The following CFAP44 variants were observed in gnomAD, a reference collection of about 807,000 sequenced individuals.
CFAP44 encodes cilia and flagella associated protein 44.
CFAP44 carries 134 observed loss-of-function variants against 216.2 expected under a neutral mutation model. The observed-to-expected ratio is 0.62, with a 90% CI of 0.54 to 0.72. The LOEUF is 0.72. CFAP44 is among the 30% of genes least tolerant of loss of function. The pLI, the probability that CFAP44 is intolerant of heterozygous loss-of-function variation, is 0.00. For synonymous variants in CFAP44, 700 were observed against 727.6 expected (o/e 0.96, Z 0.61); for missense variants, 2,035 against 2,182.1 (o/e 0.93, Z 1.34).
chr3:113,371,559 C>T (rs1933164450), intron 18 of CFAP44, among the ~76,000 whole-genome samples: 1 of 152,174 alleles, frequency 6.6e-6, no homozygotes, highest in Non-Finnish European at 1.5e-5. Flanking sequence ...CCCTTCCTTA[C>T]ACCATATACA....
At chr3:113,328,222 T>G (rs574004975) in intron 26 of CFAP44, among the ~76,000 whole-genome samples, 6 of 151,120 alleles carry the variant, frequency 4.0e-5, no homozygotes, top group South Asian at 4.2e-4. Flanking sequence ...CTTCTTATGT[T>G]GAAAATTTTC....
At chr3:113,420,228 G>T in intron 4 of CFAP44, 49 bp from the exon 5 acceptor site, 2 of 1,518,150 alleles carry the variant, frequency 1.3e-6, no homozygotes, top group Non-Finnish European at 1.8e-6. Flanking sequence ...TACCATCCTA[G>T]GGATTGGAAA....
At position 113,326,494 on chromosome 3, in the gene CFAP44, T is replaced by A; in HGVS notation, c.4467A>T (p.Leu1489=). The change falls in exon 28 of 35, where the codon CTA becomes CTT. Residue 1489 remains leucine (L), a synonymous_variant. Coordinates refer to ENST00000393845, the MANE Select transcript of CFAP44 (RefSeq NM_001164496.2). ...TCTTTACCCGTTTAATCTTCTTCTT[T>A]AGGACCTTCATGAGGAAGTTTGCAA... is the stretch of plus-strand genomic sequence containing the variant. The part of the protein sequence containing the change: ...NKFANFLMKV[L]KKKIKRVKKK... 1 of 1,529,460 alleles carries A rather than the reference T, an allele frequency of 6.5e-7. No homozygotes were observed. The highest frequency in any genetic ancestry group is 8.7e-7 in the Non-Finnish European group (1 of 1,144,452). 94.7% of individuals were successfully genotyped at this position (1,529,460 alleles called of 1,614,324 possible). A position where few individuals can be genotyped will look rare whatever the true frequency, so the allele number is the denominator to read the frequency against.
rs1160740077 is a variant in CFAP44, at chr3:113,289,154, A to G, written c.*2403T>C. On this transcript the variant is annotated 3_prime_UTR_variant, in exon 35 of 35. Coordinates refer to ENST00000393845, the MANE Select transcript of CFAP44 (RefSeq NM_001164496.2). ...GACTCAGATGCTCTAACTTAACTAC[A>G]GATTTAAGACTAAGCCTGGAATCAA... 6.6e-6 allele frequency: 1 copy of G among 152,218 alleles called. No homozygotes were observed. The highest frequency in any genetic ancestry group is 1.5e-5 in the Non-Finnish European group (1 of 68,040). The allele number at this position is 152,218 out of a possible 1,614,324, so 9.4% of individuals were successfully genotyped here.
chr3:113,407,585 T>G (rs1183615257), intron 7 of CFAP44, among the ~76,000 whole-genome samples: 1 of 152,214 alleles, frequency 6.6e-6, no homozygotes, highest in Non-Finnish European at 1.5e-5. Flanking sequence ...GCCTTCATTT[T>G]CTCAGGTATA....
rs575611652 is a variant in CFAP44, at chr3:113,315,292, A to C, written c.4517-7024T>G. On this transcript the variant is annotated intron_variant, in intron 28 of 34. Coordinates refer to ENST00000393845, the MANE Select transcript of CFAP44 (RefSeq NM_001164496.2). ...AAGCAGGAGCAGCTATATTAATGTCAGACAAATAGACTTTAGAGCAAAGAA... is the reference window on the plus strand; with the variant it reads ...AAGCAGGAGCAGCTATATTAATGTCCGACAAATAGACTTTAGAGCAAAGAA... Among the ~76,000 whole-genome samples, 52 of 152,282 alleles carry C rather than the reference A, an allele frequency of 3.4e-4. 1 individual carries two copies. In the South Asian group the frequency reaches 0.011, roughly 31 times the overall value.
intron 21 of CFAP44, among the ~76,000 whole-genome samples, chr3:113,362,299 G>A (rs1351155578): frequency 6.6e-6 from 1 of 152,082 alleles, no homozygotes; most frequent in Non-Finnish European, 1.5e-5. Flanking sequence ...GGGGTGGCAA[G>A]GTGACAGTAC....
chr3:113,417,014 T>C (rs1329100416), intron 5 of CFAP44, among the ~76,000 whole-genome samples: 2 of 152,236 alleles, frequency 1.3e-5, no homozygotes, highest in Non-Finnish European at 2.9e-5. Context: ...AATTTGCATT[T>C]ACATGTCTAA....
chr3:113,362,268 G>A (rs1229145913), intron 21 of CFAP44, among the ~76,000 whole-genome samples: 1 of 151,998 alleles, frequency 6.6e-6, no homozygotes, highest in Non-Finnish European at 1.5e-5. Flanking sequence ...CCTTCCATGT[G>A]TCTGGGTGAA....
At chr3:113,423,592 A>G (rs79451828) in intron 4 of CFAP44, among the ~76,000 whole-genome samples, 4,647 of 152,216 alleles carry the variant, frequency 0.031, 116 homozygotes, top group East Asian at 0.1. Context: ...CAAAGACCTA[A>G]AGCTTTCAAT....
chr3:113,347,158 G>A (rs73235068), intron 22 of CFAP44, among the ~76,000 whole-genome samples: 33,907 of 152,040 alleles, frequency 0.22, 4,104 homozygotes, highest in East Asian at 0.41. Flanking sequence ...TAGCGTGGCC[G>A]CCGGACTAAA....
intron 28 of CFAP44, among the ~76,000 whole-genome samples, chr3:113,318,197 A>G (rs564668022): frequency 6.6e-6 from 1 of 152,354 alleles, no homozygotes; most frequent in African/African-American, 2.4e-5. Flanking sequence ...ATGAAATAAG[A>G]AAGAAGAAAA....
At chr3:113,424,094 G>C (rs1934894773) in intron 4 of CFAP44, among the ~76,000 whole-genome samples, 1 of 152,180 alleles carries the variant, frequency 6.6e-6, no homozygotes, top group African/African-American at 2.4e-5. Context: ...GGCAGCTTTA[G>C]GCTAAACTTG....
Position 113,326,571 on chromosome 3 carries a change from C to T in CFAP44, c.4390G>A (p.Glu1464Lys), listed in dbSNP as rs1950191326. Residue 1464 changes from glutamate (E) to lysine (K), a missense_variant, in exon 28 of 35, where the codon GAA becomes AAA. By Grantham distance (56) the Glu-to-Lys change is moderately conservative. Around this residue, in one of 3 missense-constraint regions of CFAP44, gnomAD observed 1,883 missense variants for 2,023.7 expected, o/e 0.93. Coordinates refer to ENST00000393845, the MANE Select transcript of CFAP44 (RefSeq NM_001164496.2). The part of the protein sequence containing the change: ...KNEITKLQEQ[E>K]KALYAGFQAA... ...TGAAAACCAGCATAGAGTGCCTTTT[C>T]TTGCTCCTGGAGTTTGGTGATTTCA... 6.5e-7 allele frequency: 1 copy of T among 1,533,738 alleles called. No individual in the cohort carries two copies. The highest frequency in any genetic ancestry group is 1.2e-5 in the South Asian group (1 of 82,878).
chr3:113,380,036 T>A (rs1232642705), intron 16 of CFAP44, among the ~76,000 whole-genome samples: 1 of 152,186 alleles, frequency 6.6e-6, no homozygotes, highest in Non-Finnish European at 1.5e-5. Context: ...TTTTTTTAAA[T>A]TTTATTTATT....
chr3:113,372,472 C>A (rs1318135052), intron 18 of CFAP44, among the ~76,000 whole-genome samples: 1 of 152,158 alleles, frequency 6.6e-6, no homozygotes, highest in Non-Finnish European at 1.5e-5. Context: ...AGCAAACTAT[C>A]ACAAGGACAG....
chr3:113,294,764 T>C lies in CFAP44; in HGVS notation c.5296A>G (p.Lys1766Glu). The C allele has an allele frequency of 6.5e-7, 1 of 1,536,464 alleles. No homozygotes were observed. The highest frequency in any genetic ancestry group is 8.7e-7 in the Non-Finnish European group (1 of 1,146,576). ...CACAAATCATTCATCTGATAAAGCTTTCTGGTGTGTTCTTTTGTCTTCATC... is the reference window on the plus strand; with the variant it reads ...CACAAATCATTCATCTGATAAAGCTCTCTGGTGTGTTCTTTTGTCTTCATC... ...LMMKTKEHTR[K>E]LYQMNDLCIE... The change falls in exon 34 of 35, where the codon AAG (lysine) becomes GAG (glutamate). Residue 1766 changes from lysine to glutamate, a missense_variant. Physicochemically the swap from Lys to Glu is moderately conservative, Grantham distance 56 (BLOSUM62 1). Around this residue, in one of 3 missense-constraint regions of CFAP44, gnomAD observed 1,883 missense variants for 2,023.7 expected, o/e 0.93. Coordinates refer to ENST00000393845, the MANE Select transcript of CFAP44 (RefSeq NM_001164496.2).
intron 1 of CFAP44, among the ~76,000 whole-genome samples, chr3:113,435,863 G>A (rs891206791): frequency 8.2e-6 from 1 of 122,286 alleles, no homozygotes; most frequent in Admixed American, 7.3e-5. Context: ...ATGTACGTGT[G>A]TGTGTGTGTG....
chr3:113,425,764 T>C (rs929455247), intron 4 of CFAP44, among the ~76,000 whole-genome samples: 1 of 152,228 alleles, frequency 6.6e-6, no homozygotes, highest in South Asian at 2.1e-4. Context: ...TTATTTGGCA[T>C]CAAACAAAAG....
Sources: allele counts gnomAD v4.1 joint callset (sites outside exome capture counted in the v4.1 genomes callset), GRCh38; gene constraint gnomAD v4.1.1; regional missense constraint gnomAD v4.1.1; transcripts MANE v1.5; gene names NCBI Gene and HGNC (gene_info 2026-07-23, HGNC 2026-07-21).